The following PPP6C variants were observed in gnomAD, a reference collection of about 807,000 sequenced individuals.
The protein encoded by PPP6C is protein phosphatase 6 catalytic subunit, also known as serine/threonine-protein phosphatase 6 catalytic subunit.
Under a neutral mutation model 39.8 loss-of-function variants are expected in PPP6C, and 11 were observed. The observed-to-expected ratio is 0.28, with a 90% CI of 0.17 to 0.46. PPP6C has a LOEUF of 0.46. Ranked by LOEUF, PPP6C falls within the 20% of genes least tolerant of loss-of-function variation. PPP6C has a pLI of 1.00. For synonymous variants in PPP6C, 129 were observed against 130.3 expected (o/e 0.99, Z 0.07); for missense variants, 211 against 373.9 (o/e 0.56, Z 3.59).
chr9:125,148,798 T>C lies in PPP6C; in HGVS notation c.*875A>G, dbSNP rs907723996. The C allele has an allele frequency of 1.3e-5, 2 of 152,200 alleles. No individual in the cohort carries two copies. The highest frequency in any genetic ancestry group is 2.9e-5 in the Non-Finnish European group (2 of 68,024). 9.4% of individuals were successfully genotyped at this position (152,200 alleles called of 1,614,324 possible). On this transcript the variant is annotated 3_prime_UTR_variant, in exon 7 of 7. Coordinates refer to ENST00000373547, the MANE Select transcript of PPP6C (RefSeq NM_002721.5). The stretch of plus-strand genomic sequence containing the variant: ...TGTTTTTCTATTACTATAGAGGATA[T>C]AAACCAAAACATTAATATGGCAGTT...
At chr9:125,150,731 C>A in intron 6 of PPP6C, 1 of 777,296 alleles carries the variant, frequency 1.3e-6, no homozygotes, top group Non-Finnish European at 2.2e-6. Context: ...TGGAGCTCGG[C>A]AAGGCAGTGA....
At chr9:125,182,676 CACT>C (rs1829442673) in intron 1 of PPP6C, among the ~76,000 whole-genome samples, 1 of 150,592 alleles carries the variant, frequency 6.6e-6, no homozygotes, top group South Asian at 2.1e-4. Context: ...TCAACCATGG[CACT>C]ACTAATTATT....
chr9:125,188,123 C>T (rs1282893700), intron 1 of PPP6C, among the ~76,000 whole-genome samples: 1 of 152,154 alleles, frequency 6.6e-6, no homozygotes, highest in Non-Finnish European at 1.5e-5. Context: ...CGGTGGCTTA[C>T]GCCTGTAATC....
intron 4 of PPP6C, among the ~76,000 whole-genome samples, chr9:125,156,224 T>C (rs1836069966): frequency 6.6e-6 from 1 of 152,208 alleles, no homozygotes; most frequent in South Asian, 2.1e-4. Flanking sequence ...ATTCTCAAAA[T>C]TTCTCTAATT....
rs992579665 is a variant in PPP6C at position 125,149,490 on chromosome 9, A to G, written c.*183T>C. ...ATGGGATGGGGGAAAATTGATAGAA[A>G]AACTTTGCTATAGACACCACAACAA... On this transcript the variant is annotated 3_prime_UTR_variant, in exon 7 of 7. Transcript: ENST00000373547. The G allele has an allele frequency of 4.1e-6, 3 of 730,814 alleles. No individual in the cohort carries two copies. 45.3% of individuals were successfully genotyped at this position (730,814 alleles called of 1,614,324 possible). A position where few individuals can be genotyped will look rare whatever the true frequency, so the allele number is the denominator to read the frequency against.
At position 125,149,471 on chromosome 9, in the gene PPP6C, T is replaced by G. The variant is rs374674316; in HGVS notation, c.*202A>C. Reference sequence around the variant, plus strand: ...AAATGAGTCCAGGGTGGGGATGGGATGGGGGAAAATTGATAGAAAAACTTT... The same window carrying G: ...AAATGAGTCCAGGGTGGGGATGGGAGGGGGGAAAATTGATAGAAAAACTTT... On this transcript the variant is annotated 3_prime_UTR_variant, in exon 7 of 7. Transcript: ENST00000373547. 8.9e-5 allele frequency: 51 copies of G among 571,476 alleles called. No individual in the cohort carries two copies. The East Asian group carries it at 1.4e-3, about 16-fold the overall frequency. 35.4% of individuals were successfully genotyped at this position (571,476 alleles called of 1,614,324 possible).
At chr9:125,163,803 C>T (rs12554534) in intron 2 of PPP6C, among the ~76,000 whole-genome samples, 93 of 151,648 alleles carry the variant, frequency 6.1e-4, no homozygotes, top group Admixed American at 3.6e-3. Context: ...AAATATTCTG[C>T]GTCAGTGATA....
intron 6 of PPP6C, 64 bp downstream of exon 6, chr9:125,153,469 C>A: frequency 6.8e-7 from 1 of 1,477,166 alleles, no homozygotes; most frequent in Non-Finnish European, 9.3e-7. Flanking sequence ...TCTAGGGCCA[C>A]CATAGTTCTC....
At chr9:125,177,219 A>C (rs1474726504) in intron 1 of PPP6C, among the ~76,000 whole-genome samples, 1 of 151,572 alleles carries the variant, frequency 6.6e-6, no homozygotes, top group African/African-American at 2.4e-5. Context: ...CTAAAAATAC[A>C]AAAAATTAGC....
intron 6 of PPP6C, among the ~76,000 whole-genome samples, chr9:125,152,984 A>G (rs1458786556): frequency 6.6e-6 from 1 of 150,692 alleles, no homozygotes; most frequent in Non-Finnish European, 1.5e-5. Context: ...TTGAAAGGAA[A>G]GGGGCTGGCC....
At chr9:125,149,984 T>C in intron 6 of PPP6C, 63 bp from the exon 7 acceptor site, 1 of 1,548,150 alleles carries the variant, frequency 6.5e-7, no homozygotes, top group Non-Finnish European at 8.7e-7. Context: ...TACATAATCA[T>C]TTAAATAAAA....
At position 125,179,912 on chromosome 9, in the gene PPP6C, T is replaced by A. The variant is rs548931993; in HGVS notation, c.76-8732A>T. On this transcript the variant is annotated intron_variant, in intron 1 of 6. Coordinates refer to ENST00000373547, the MANE Select transcript of PPP6C (RefSeq NM_002721.5). ...CTCAGGTGATCCACCCGCCTCAGCC[T>A]CCCAAAGTGCTAGGATTACAAGTGT... 4.6e-5 allele frequency among the ~76,000 whole-genome samples: 7 copies of A among 152,200 alleles called. No individual in the cohort carries two copies. The East Asian group carries it at 9.6e-4, about 21-fold the overall frequency.
chr9:125,173,515 T>G (rs1425373908), intron 1 of PPP6C, among the ~76,000 whole-genome samples: 1 of 148,976 alleles, frequency 6.7e-6, no homozygotes, highest in Non-Finnish European at 1.5e-5. Flanking sequence ...GAGACAGAGG[T>G]TGCCGAAAAC....
intron 1 of PPP6C, among the ~76,000 whole-genome samples, chr9:125,177,613 C>A (rs1200031422): frequency 6.6e-6 from 1 of 152,106 alleles, no homozygotes; most frequent in East Asian, 1.9e-4. Flanking sequence ...CCACAGCCTC[C>A]CCGCATCAAC....
intron 1 of PPP6C, among the ~76,000 whole-genome samples, chr9:125,182,219 TG>T (rs1829434686): frequency 6.6e-6 from 1 of 152,214 alleles, no homozygotes; most frequent in South Asian, 2.1e-4. Context: ...AGTTCCCTCT[TG>T]CCCTCACAAA....
rs1418244311 is a variant in PPP6C at position 125,189,757 on chromosome 9, G to C, written c.-39C>G. 2 of 1,551,122 alleles carry C rather than the reference G, an allele frequency of 1.3e-6. No individual in the cohort carries two copies. Among genetic ancestry groups the C allele is most frequent in the South Asian group, 1.2e-5 (1 of 85,884 alleles). On this transcript the variant is annotated 5_prime_UTR_variant, in exon 1 of 7. Coordinates refer to ENST00000373547, the MANE Select transcript of PPP6C (RefSeq NM_002721.5). ...AGCCGCGGCAACAGCGGCGGCGGCG[G>C]CTGTAGCAGCGGCGGCGGCAGCGGC...
At chr9:125,163,680 C>T (rs545178099) in intron 2 of PPP6C, among the ~76,000 whole-genome samples, 4 of 151,800 alleles carry the variant, frequency 2.6e-5, no homozygotes, top group Admixed American at 6.6e-5. Flanking sequence ...CCGCCCGCCT[C>T]GGCCTCTCAA....
At chr9:125,150,202 A>T (rs894357152) in intron 6 of PPP6C, among the ~76,000 whole-genome samples, 1 of 152,236 alleles carries the variant, frequency 6.6e-6, no homozygotes, top group African/African-American at 2.4e-5. Context: ...GTGTTTTCTG[A>T]TTTAATAATA....
At chr9:125,167,379 CAAAAAAA>C (rs758123351) in intron 2 of PPP6C, among the ~76,000 whole-genome samples, 36 of 56,098 alleles carry the variant, frequency 6.4e-4, no homozygotes, top group East Asian at 4.3e-3. Flanking sequence ...AGACCCTGTC[CAAAAAAA>C]AAAAAAAAAA....
Sources: allele counts gnomAD v4.1 joint callset (sites outside exome capture counted in the v4.1 genomes callset), GRCh38; gene constraint gnomAD v4.1.1; transcripts MANE v1.5; gene names NCBI Gene and HGNC (gene_info 2026-07-23, HGNC 2026-07-21).